The following RIMBP2 variants were observed in gnomAD, a reference collection of about 807,000 sequenced individuals.
The protein encoded by RIMBP2 is RIMS-binding protein 2.
RIMBP2 carries 48 observed loss-of-function variants against 118.6 expected under a neutral mutation model. The ratio of observed to expected loss-of-function variants is 0.40; its 90% CI spans 0.32 to 0.51. The LOEUF (loss-of-function observed/expected upper bound fraction) is 0.51, where lower values mean the gene tolerates loss of function less well. RIMBP2 is among the 20% of genes least tolerant of loss of function. The pLI is 0.41. For missense variants in RIMBP2, 1,551 were observed against 1,768.3 expected (o/e 0.88, Z 2.20); for synonymous variants, 762 against 742.9 (o/e 1.03, Z -0.42).
intron 5 of RIMBP2, among the ~76,000 whole-genome samples, chr12:130,473,297 A>G (rs2081163254): frequency 6.6e-6 from 1 of 152,200 alleles, no homozygotes; most frequent in Admixed American, 6.5e-5. Context: ...TGCGACCTTT[A>G]CGGAGAGTGG....
chr12:130,694,326 T>A (rs906041942), intron 1 of RIMBP2, among the ~76,000 whole-genome samples: 1 of 152,226 alleles, frequency 6.6e-6, no homozygotes. Flanking sequence ...CAGTCACCAG[T>A]AGTCATGGCC....
At chr12:130,535,653 A>G (rs539545174) in intron 2 of RIMBP2, among the ~76,000 whole-genome samples, 1 of 149,514 alleles carries the variant, frequency 6.7e-6, no homozygotes, top group East Asian at 1.9e-4. Context: ...ATATACATAC[A>G]TATACACATA....
intron 2 of RIMBP2, among the ~76,000 whole-genome samples, chr12:130,531,170 A>G (rs2053336610): frequency 1.3e-5 from 2 of 152,320 alleles, no homozygotes; most frequent in South Asian, 4.1e-4. Flanking sequence ...ATTTTTTCAG[A>G]TATTTTTGTT....
At chr12:130,535,753 A>T (rs1195963045) in intron 2 of RIMBP2, among the ~76,000 whole-genome samples, 1 of 35,406 alleles carries the variant, frequency 2.8e-5, no homozygotes, top group Non-Finnish European at 6.9e-5. Context: ...ATATATATAT[A>T]TATATATATA....
At chr12:130,686,072 G>A (rs957254717) in intron 1 of RIMBP2, among the ~76,000 whole-genome samples, 1 of 152,058 alleles carries the variant, frequency 6.6e-6, no homozygotes, top group Non-Finnish European at 1.5e-5. Flanking sequence ...CACACCGCCC[G>A]GCACCTGCTC....
At chr12:130,516,880 A>G (rs771284254) in intron 3 of RIMBP2, among the ~76,000 whole-genome samples, 12 of 152,198 alleles carry the variant, frequency 7.9e-5, no homozygotes, top group Admixed American at 2.6e-4. Context: ...CCACAGGATG[A>G]CAAGGGAGCT....
In RIMBP2 at chr12:130,435,828, C is replaced by T. The variant is rs186103027; in HGVS notation, c.2107-948G>A. Among the ~76,000 whole-genome samples the T allele has an allele frequency of 1.5e-3, 225 of 152,304 alleles. 2 individuals carry two copies. The highest frequency in any genetic ancestry group is 2.8e-4 in the Non-Finnish European group (19 of 68,026). ...CCCACTCAGGAGGACGGGGTGGGGG[C>T]GGAAGGTAGCTCCCTGCCCAGTGTC... On this transcript the variant is annotated intron_variant, in intron 13 of 22. Transcript: ENST00000690449.
At chr12:130,587,723 A>G (rs978815795) in intron 2 of RIMBP2, among the ~76,000 whole-genome samples, 9 of 128,708 alleles carry the variant, frequency 7.0e-5, no homozygotes, top group Non-Finnish European at 1.5e-4. Flanking sequence ...AGATATACCT[A>G]ATGCTAGATG....
chr12:130,508,939 C>T (rs1366363265), intron 3 of RIMBP2, among the ~76,000 whole-genome samples: 1 of 152,136 alleles, frequency 6.6e-6, no homozygotes, highest in Non-Finnish European at 1.5e-5. Flanking sequence ...CCCTTTGTGT[C>T]CTGAGAGGCT....
At chr12:130,609,434 A>G (rs763760098) in intron 2 of RIMBP2, among the ~76,000 whole-genome samples, 8 of 150,792 alleles carry the variant, frequency 5.3e-5, no homozygotes, top group Non-Finnish European at 1.2e-4. Context: ...TGATATGGTC[A>G]GAGGGACCCC....
intron 7 of RIMBP2, 62 bp from the exon 8 acceptor site, chr12:130,451,402 G>A: frequency 3.3e-6 from 5 of 1,527,264 alleles, no homozygotes; most frequent in South Asian, 1.3e-5. Flanking sequence ...AAAGCACGTT[G>A]GTCATGCGCC....
intron 2 of RIMBP2, among the ~76,000 whole-genome samples, chr12:130,554,327 A>G (rs2056129011): frequency 6.6e-6 from 1 of 152,196 alleles, no homozygotes; most frequent in South Asian, 2.1e-4. Context: ...TAAAGTACCT[A>G]GCACACAGGA....
intron 2 of RIMBP2, among the ~76,000 whole-genome samples, chr12:130,580,393 G>A (rs1334374615): frequency 6.6e-6 from 1 of 152,046 alleles, no homozygotes; most frequent in Non-Finnish European, 1.5e-5. Flanking sequence ...TTATGAAAGG[G>A]CAGTTCCCCT....
intron 18 of RIMBP2, among the ~76,000 whole-genome samples, chr12:130,413,239 T>C (rs2075857142): frequency 6.6e-6 from 1 of 152,186 alleles, no homozygotes; most frequent in South Asian, 2.1e-4. Flanking sequence ...GTCAGGACCC[T>C]TGCTGAAACT....
intron 1 of RIMBP2, among the ~76,000 whole-genome samples, chr12:130,673,111 C>A (rs1260606057): frequency 6.6e-6 from 1 of 152,246 alleles, no homozygotes; most frequent in Non-Finnish European, 1.5e-5. Context: ...TGCCTGCTCC[C>A]GCCCTTCCTG....
intron 2 of RIMBP2, among the ~76,000 whole-genome samples, chr12:130,605,975 G>A (rs2140494538): frequency 6.6e-6 from 1 of 152,264 alleles, no homozygotes; most frequent in South Asian, 2.1e-4. Flanking sequence ...GGCTAAGGCA[G>A]GAGAATTGCT....
In RIMBP2 at chr12:130,445,257, G is replaced by A. The variant is rs765241034; in HGVS notation, c.594C>T (p.Phe198=). 4.3e-6 allele frequency: 7 copies of A among 1,612,372 alleles called. No homozygotes were observed. The highest frequency in any genetic ancestry group is 1.6e-4 in the Middle Eastern group (1 of 6,076). Residue 198 remains phenylalanine (F), a synonymous_variant, in exon 10 of 23, where the codon TTC becomes TTT. Transcript: ENST00000690449. ...CTTCGGGGTTCTCGTTCGGTCCATC[G>A]AAGGGGTTGTAACTGCAGAGAAAAC... ...LCVARYSYNP[F]DGPNENPEAE...
At chr12:130,642,781 G>A (rs2062680855) in intron 1 of RIMBP2, among the ~76,000 whole-genome samples, 1 of 152,162 alleles carries the variant, frequency 6.6e-6, no homozygotes, top group African/African-American at 2.4e-5. Flanking sequence ...CCACCTTGGG[G>A]ATAAGAAAAC....
intron 2 of RIMBP2, among the ~76,000 whole-genome samples, chr12:130,585,600 G>T (rs2140256195): frequency 7.3e-6 from 1 of 137,768 alleles, no homozygotes; most frequent in South Asian, 2.6e-4. Context: ...CTGGGTGACG[G>T]TGAGACCCTG....
Sources: gnomAD v4.1 joint callset for allele counts (sites outside exome capture counted in the v4.1 genomes callset) on GRCh38, gnomAD v4.1.1 for gene constraint, MANE v1.5 for transcripts, NCBI Gene and HGNC (gene_info 2026-07-23, HGNC 2026-07-21) for gene names.